DNAJC6: variants seen among roughly 807,000 people sequenced by gnomAD.
The protein encoded by DNAJC6 is DnaJ heat shock protein family (Hsp40) member C6.
DNAJC6 carries 34 observed loss-of-function variants against 110.0 expected under a neutral mutation model. The ratio of observed to expected loss-of-function variants is 0.31; its 90% CI spans 0.24 to 0.41. DNAJC6 has a LOEUF of 0.41. Among genes scored for constraint, DNAJC6 ranks in the 10% least tolerant of loss-of-function variants. The pLI, the probability that DNAJC6 is intolerant of heterozygous loss-of-function variation, is 1.00. For missense variants in DNAJC6, 1,031 were observed against 1,207.8 expected (o/e 0.85, Z 2.17); for synonymous variants, 406 against 437.2 (o/e 0.93, Z 0.89).
chr1:65,368,138 G>A (rs971589328), intron 4 of DNAJC6, among the ~76,000 whole-genome samples: 12 of 152,126 alleles, frequency 7.9e-5, no homozygotes, highest in Non-Finnish European at 1.2e-4. Context: ...AACCCAGGAC[G>A]TTCTAAAGAT....
rs755672311 is a variant in DNAJC6 at position 65,366,034 on chromosome 1, G to A, written c.395-14G>A. ...CATTTAACCTGTTTTCTTTCTGTGT[G>A]ATCTCTCTCCTAGTGATGTCCTTTC... On this transcript the variant is annotated splice_polypyrimidine_tract_variant and intron_variant, in intron 3 of 18. Transcript: ENST00000371069. 1 of 1,613,582 alleles carries A rather than the reference G, an allele frequency of 6.2e-7. No homozygotes were observed. The highest frequency in any genetic ancestry group is 8.5e-7 in the Non-Finnish European group (1 of 1,179,694).
At chr1:65,380,911 G>GTGTTTTTTTTTTTTTTTT in intron 5 of DNAJC6, among the ~76,000 whole-genome samples, 1 of 114,900 alleles carries the variant, frequency 8.7e-6, no homozygotes, top group African/African-American at 4.3e-5. Flanking sequence ...TTTGTTTTTT[G>GTGTTTTTTTTTTTTTTTT]TTTTGTTTTG....
At position 65,332,938 on chromosome 1, in the gene DNAJC6, A is replaced by C. The variant is rs1029616612; in HGVS notation, c.193+23000A>C. On this transcript the variant is annotated intron_variant, in intron 1 of 18. Transcript: ENST00000371069. Reference sequence around the variant, plus strand: ...TTATAGAAAATTGGAGGGTGCTCAAAGATGTTCTGTTGGCAGAGGAGTTGA... The same window carrying C: ...TTATAGAAAATTGGAGGGTGCTCAACGATGTTCTGTTGGCAGAGGAGTTGA... 9.2e-5 allele frequency among the ~76,000 whole-genome samples: 14 copies of C among 152,322 alleles called. No homozygotes were observed. The East Asian group carries it at 2.5e-3, about 27-fold the overall frequency.
At chr1:65,305,605 G>A (rs188232590), upstream of DNAJC6, among the ~76,000 whole-genome samples, 1 of 152,246 alleles carries the variant, frequency 6.6e-6, no homozygotes, top group Admixed American at 6.5e-5. Flanking sequence ...TAATGAGAGC[G>A]AGGTGCTCTT....
chr1:65,385,907 G>GT lies in DNAJC6; in HGVS notation c.995+2dup. On this transcript the variant is annotated splice_donor_variant, in intron 7 of 18. Transcript: ENST00000371069. LOFTEE classifies it high-confidence loss of function. ...CTTGCACAGATTTTGAACGAATGAAGTAAGTCATGATACTTTACTTCTTCC... is the reference window on the plus strand; with the variant it reads ...CTTGCACAGATTTTGAACGAATGAAGTTAAGTCATGATACTTTACTTCTTCC... The GT allele has an allele frequency of 6.3e-7, 1 of 1,596,456 alleles. No homozygotes were observed. Among genetic ancestry groups the GT allele is most frequent in the Non-Finnish European group, 8.6e-7 (1 of 1,166,598 alleles).
intron 2 of DNAJC6, 58 bp from the exon 3 acceptor site, chr1:65,365,827 A>G (rs983381975): frequency 1.3e-5 from 20 of 1,581,186 alleles, no homozygotes; most frequent in East Asian, 2.2e-5. Flanking sequence ...ATTGAGAGAG[A>G]GAAATCTTGG....
intron 1 of DNAJC6, among the ~76,000 whole-genome samples, chr1:65,326,153 C>G (rs1570280702): frequency 1.3e-5 from 2 of 152,312 alleles, no homozygotes; most frequent in African/African-American, 2.4e-5. Context: ...CCTCTCTCCC[C>G]ACAACAGTGT....
At chr1:65,299,013 C>T (rs1427131311) in intron 1 of DNAJC6, 2 of 152,196 alleles carry the variant, frequency 1.3e-5, no homozygotes, top group African/African-American at 4.8e-5. Context: ...AGCATCAACA[C>T]TAATGTCTTT....
At chr1:65,347,665 C>G (rs1645450010) in intron 1 of DNAJC6, among the ~76,000 whole-genome samples, 1 of 151,946 alleles carries the variant, frequency 6.6e-6, no homozygotes, top group African/African-American at 2.4e-5. Context: ...ATTCATGTCT[C>G]TGCTTTTTAC....
chr1:65,302,602 C>T (rs1644998946), intron 1 of DNAJC6, among the ~76,000 whole-genome samples: 2 of 133,412 alleles, frequency 1.5e-5, no homozygotes, highest in Non-Finnish European at 1.6e-5. Flanking sequence ...GTGGCGCAAT[C>T]TCGGCTCACT....
intron 6 of DNAJC6, among the ~76,000 whole-genome samples, chr1:65,385,151 G>A (rs1182328694): frequency 2.0e-5 from 3 of 152,026 alleles, no homozygotes; most frequent in Non-Finnish European, 2.9e-5. Context: ...TTTAACAAAG[G>A]GAAATGCAAA....
chr1:65,272,310 TATG>T lies in DNAJC6; in HGVS notation c.-131+7381_-131+7383del, dbSNP rs576734259. Among the ~76,000 whole-genome samples, 24 of 152,382 alleles carry T rather than the reference TATG, an allele frequency of 1.6e-4. 1 individual carries two copies. The South Asian group carries it at 3.9e-3, about 25-fold the overall frequency. On this transcript the variant is annotated intron_variant, in intron 1 of 19. Coordinates refer to the DNAJC6 transcript ENST00000263441. The stretch of plus-strand genomic sequence containing the variant: ...ATATTTTTCTGTATTATGTGCATCA[TATG>T]ATTATTTTATTCTGTTAATATGGTG...
At chr1:65,276,108 C>T (rs1485609819) in intron 1 of DNAJC6, among the ~76,000 whole-genome samples, 1 of 152,130 alleles carries the variant, frequency 6.6e-6, no homozygotes, top group East Asian at 1.9e-4. Flanking sequence ...TCTTGAACTC[C>T]TGGCCTGAAG....
At chr1:65,343,342 T>C (rs1454074064) in intron 1 of DNAJC6, among the ~76,000 whole-genome samples, 1 of 152,166 alleles carries the variant, frequency 6.6e-6, no homozygotes, top group Non-Finnish European at 1.5e-5. Context: ...AGATAAACAG[T>C]AGACTACCTT....
chr1:65,322,754 C>G (rs547686795), intron 1 of DNAJC6, among the ~76,000 whole-genome samples: 4 of 152,238 alleles, frequency 2.6e-5, no homozygotes, highest in Admixed American at 6.5e-5. Flanking sequence ...ACATTCTTGT[C>G]AAAGCTGAGT....
At chr1:65,340,009 A>G (rs766202792) in intron 1 of DNAJC6, among the ~76,000 whole-genome samples, 99 of 152,250 alleles carry the variant, frequency 6.5e-4, no homozygotes, top group Non-Finnish European at 7.1e-4. Context: ...CATTATATAG[A>G]CTCTATGAGT....
At chr1:65,345,519 A>T (rs1645429197) in intron 1 of DNAJC6, 1 of 279,580 alleles carries the variant, frequency 3.6e-6, no homozygotes, top group South Asian at 1.4e-4. Flanking sequence ...AGTGTTGTGA[A>T]TCCAGGTATG....
chr1:65,268,117 G>C (rs1468551901), intron 1 of DNAJC6, among the ~76,000 whole-genome samples: 1 of 152,200 alleles, frequency 6.6e-6, no homozygotes, highest in Non-Finnish European at 1.5e-5. Context: ...AAAATTATAA[G>C]AGGTTGATGG....
chr1:65,340,308 C>T (rs1323904588), intron 1 of DNAJC6, among the ~76,000 whole-genome samples: 1 of 152,206 alleles, frequency 6.6e-6, no homozygotes, highest in East Asian at 1.9e-4. Flanking sequence ...GTCCAGGCTC[C>T]TGCTCTTATC....
Sources: allele counts gnomAD v4.1 joint callset (sites outside exome capture counted in the v4.1 genomes callset), GRCh38; gene constraint gnomAD v4.1.1; transcripts MANE v1.5; gene names NCBI Gene and HGNC (gene_info 2026-07-23, HGNC 2026-07-21).